ZMYM5: variants seen among roughly 807,000 people sequenced by gnomAD.
ZMYM5 encodes zinc finger MYM-type containing 5.
ZMYM5 carries 41 observed loss-of-function variants against 61.8 expected under a neutral mutation model. The ratio of observed to expected loss-of-function variants is 0.66; its 90% CI spans 0.52 to 0.86. The LOEUF (loss-of-function observed/expected upper bound fraction) is 0.86. ZMYM5 is among the 40% of genes least tolerant of loss of function. ZMYM5 has a pLI of 0.00. For synonymous variants in ZMYM5, 257 were observed against 276.4 expected, an observed-to-expected ratio of 0.93 and a Z score of 0.70; for missense variants, 706 against 786.7, an observed-to-expected ratio of 0.90 and a Z score of 1.23.
chr13:19,857,587 C>T (rs1001021356), intron 2 of ZMYM5, among the ~76,000 whole-genome samples: 1 of 152,128 alleles, frequency 6.6e-6, no homozygotes, highest in African/African-American at 2.4e-5. Flanking sequence ...GAACTAGGTA[C>T]AAAATTACTA....
At chr13:19,838,579 C>T (rs1299064233) in intron 5 of ZMYM5, 121 bp downstream of exon 5, 1 of 1,272,328 alleles carries the variant, frequency 7.9e-7, no homozygotes, top group African/African-American at 1.5e-5. Context: ...GCTCAATAAA[C>T]TTGAAGACAC....
chr13:19,840,417 A>C (rs1952826722), intron 4 of ZMYM5, among the ~76,000 whole-genome samples: 1 of 152,218 alleles, frequency 6.6e-6, no homozygotes. Context: ...TCTGTTGCCC[A>C]GTCTGAAGTG....
chr13:19,835,730 C>T (rs1429290953), intron 6 of ZMYM5, 41 bp from the exon 7 acceptor site: 2 of 1,327,898 alleles, frequency 1.5e-6, no homozygotes, highest in African/African-American at 3.0e-5. Context: ...GATATATGAA[C>T]CAGATTAGCA....
At chr13:19,839,176 C>A (rs1228979741) in intron 4 of ZMYM5, among the ~76,000 whole-genome samples, 191 bp from the exon 5 acceptor site, 1 of 152,170 alleles carries the variant, frequency 6.6e-6, no homozygotes, top group East Asian at 1.9e-4. Flanking sequence ...TGATACTCCA[C>A]TGTGCCAACA....
intron 4 of ZMYM5, among the ~76,000 whole-genome samples, chr13:19,840,369 G>T (rs960837272): frequency 2.0e-5 from 3 of 152,138 alleles, no homozygotes; most frequent in Non-Finnish European, 2.9e-5. Flanking sequence ...AAAATTAGCT[G>T]GGTGTGGTGG....
chr13:19,851,315 TTA>T, intron 4 of ZMYM5, 38 bp downstream of exon 4: 1 of 1,535,550 alleles, frequency 6.5e-7, no homozygotes, highest in Non-Finnish European at 9.0e-7. Context: ...AGCCAAAGGC[TTA>T]TTTACTTGAG....
rs748446521 is a variant in ZMYM5 at position 19,851,468 on chromosome 13, G to A, written c.493-20C>T. On this transcript the variant is annotated intron_variant, in intron 3 of 7. Transcript: ENST00000337963. ...CTTGGTCTGTGGAGTTAAAGATGGG[G>A]TGTACGTTTGTATATTAACACCAAA... 6.2e-7 allele frequency: 1 copy of A among 1,611,076 alleles called. No homozygotes were observed. Among genetic ancestry groups the A allele is most frequent in the Non-Finnish European group, 8.5e-7 (1 of 1,177,400 alleles).
At chr13:19,846,754 CCTTTT>C (rs575409245) in intron 4 of ZMYM5, among the ~76,000 whole-genome samples, 80 of 149,880 alleles carry the variant, frequency 5.3e-4, no homozygotes, top group African/African-American at 1.9e-3. Flanking sequence ...ACAGTCCCCC[CCTTTT>C]TTTTAAGGAA....
intron 1 of ZMYM5, among the ~76,000 whole-genome samples, 155 bp downstream of exon 1, chr13:19,863,295 C>T (rs895751783): frequency 4.7e-4 from 72 of 151,882 alleles, no homozygotes; most frequent in Middle Eastern, 3.2e-3. Context: ...CCCCTCAGGC[C>T]GGACGCAAAA....
chr13:19,839,506 A>C (rs1952789074), intron 4 of ZMYM5, among the ~76,000 whole-genome samples: 1 of 151,862 alleles, frequency 6.6e-6, no homozygotes, highest in Non-Finnish European at 1.5e-5. Flanking sequence ...TTCCTGCCTC[A>C]GCCTCCCGAG....
intron 4 of ZMYM5, chr13:19,841,877 C>T (rs1046757557): frequency 1.5e-4 from 23 of 151,942 alleles, no homozygotes; most frequent in Non-Finnish European, 1.0e-4. Flanking sequence ...AGTGCAGGGG[C>T]GTGATCTCAG....
intron 7 of ZMYM5, among the ~76,000 whole-genome samples, chr13:19,833,875 C>A (rs2138504764): frequency 6.6e-6 from 1 of 152,316 alleles, no homozygotes; most frequent in African/African-American, 2.4e-5. Context: ...CACAATGGCT[C>A]ATGCCTATAA....
intron 7 of ZMYM5, among the ~76,000 whole-genome samples, chr13:19,831,374 C>T (rs1252840160): frequency 1.3e-5 from 2 of 151,972 alleles, no homozygotes; most frequent in African/African-American, 4.8e-5. Context: ...ATCCTCTTGC[C>T]TCTGCCTCCC....
intron 7 of ZMYM5, among the ~76,000 whole-genome samples, chr13:19,829,844 TC>T (rs1891116223): frequency 6.6e-6 from 1 of 152,164 alleles, no homozygotes; most frequent in Admixed American, 6.6e-5. Context: ...GACTTTTTTT[TC>T]CTCCCAGCTT....
chr13:19,838,239 G>T (rs1269340146), intron 5 of ZMYM5, among the ~76,000 whole-genome samples: 2 of 152,178 alleles, frequency 1.3e-5, no homozygotes, highest in East Asian at 1.9e-4. Context: ...TTAGCTGGGC[G>T]TGGTGGCGCG....
At chr13:19,849,569 AT>A (rs1238189713) in intron 4 of ZMYM5, among the ~76,000 whole-genome samples, 9 of 152,244 alleles carry the variant, frequency 5.9e-5, no homozygotes, top group Non-Finnish European at 1.5e-5. Flanking sequence ...TGGTCACATT[AT>A]TTCTAGTTAC....
chr13:19,849,906 A>G (rs983733643), intron 4 of ZMYM5, among the ~76,000 whole-genome samples: 12 of 151,960 alleles, frequency 7.9e-5, no homozygotes, highest in African/African-American at 2.9e-4. Context: ...ACTTGAACCC[A>G]GGAGGCAGAG....
At chr13:19,838,144 A>T (rs889425003) in intron 5 of ZMYM5, among the ~76,000 whole-genome samples, 4 of 152,198 alleles carry the variant, frequency 2.6e-5, no homozygotes, top group African/African-American at 9.7e-5. Context: ...TGGGAGGCTG[A>T]AGTGGGCAGA....
At position 19,837,676 on chromosome 13, in the gene ZMYM5, T is replaced by TTG; in HGVS notation, c.1016_1017dup (p.Ile340GlnfsTer6). 6.3e-7 allele frequency: 1 copy of TTG among 1,585,374 alleles called. No homozygotes were observed. On this transcript the variant is annotated frameshift_variant, in exon 6 of 8. Transcript: ENST00000337963. LOFTEE classifies it high-confidence loss of function. The stretch of plus-strand genomic sequence containing the variant: ...CAGACCTCTGCTAATTTACTACAAA[T>TTG]TGTACATCTTGACTTATTAAAAACT...
Sources: allele counts gnomAD v4.1 joint callset (sites outside exome capture counted in the v4.1 genomes callset), GRCh38; gene constraint gnomAD v4.1.1; transcripts MANE v1.5; gene names NCBI Gene and HGNC (gene_info 2026-07-23, HGNC 2026-07-21).